Variants in PBX1 observed in about 807,000 individuals in gnomAD.
The protein encoded by PBX1 is pre-B-cell leukemia transcription factor 1.
PBX1 carries 6 observed loss-of-function variants against 53.4 expected under a neutral mutation model. The observed-to-expected ratio is 0.11, with a 90% CI of 0.06 to 0.22. The LOEUF is 0.22. PBX1 is among the 10% of genes least tolerant of loss of function. PBX1 has a pLI of 1.00. For synonymous variants in PBX1, 204 were observed against 212.3 expected (o/e 0.96, Z 0.34); for missense variants, 251 against 551.4 (o/e 0.46, Z 5.46).
chr1:164,680,509 A>G (rs1661697791), intron 2 of PBX1: 1 of 152,298 alleles, frequency 6.6e-6, no homozygotes, highest in Non-Finnish European at 1.5e-5. Flanking sequence ...TATGCAGTGG[A>G]TCTACCACTA....
At chr1:164,757,748 C>T (rs903034769) in intron 2 of PBX1, among the ~76,000 whole-genome samples, 2 of 152,020 alleles carry the variant, frequency 1.3e-5, no homozygotes, top group Non-Finnish European at 2.9e-5. Flanking sequence ...GTTACTATTT[C>T]GTCACCCAGC....
intron 2 of PBX1, among the ~76,000 whole-genome samples, chr1:164,703,704 C>A (rs559263535): frequency 6.6e-6 from 1 of 152,318 alleles, no homozygotes; most frequent in African/African-American, 2.4e-5. Flanking sequence ...GCCATTTCTA[C>A]TGGCTGGACT....
intron 2 of PBX1, among the ~76,000 whole-genome samples, chr1:164,787,908 G>A (rs913709545): frequency 1.4e-4 from 22 of 152,174 alleles, no homozygotes; most frequent in Non-Finnish European, 5.9e-5. Flanking sequence ...ATATCTTCAT[G>A]GGCGCAACCC....
rs566522040 is a variant in PBX1, at chr1:164,850,892, A to G, written c.*4216A>G. Reference sequence around the variant, plus strand: ...TACTTTGTTTTATTTCTCCCTAATTAATAACTACATTCCATGAGGCCTCTT... The same window carrying G: ...TACTTTGTTTTATTTCTCCCTAATTGATAACTACATTCCATGAGGCCTCTT... On this transcript the variant is annotated 3_prime_UTR_variant, in exon 9 of 9. Transcript: ENST00000420696. The G allele has an allele frequency of 9.4e-5, 20 of 212,002 alleles. No homozygotes were observed. The Admixed American group carries it at 1.1e-3, about 11-fold the overall frequency. The allele number at this position is 212,002 out of a possible 1,614,324, so 13.1% of individuals were successfully genotyped here. A position where few individuals can be genotyped will look rare whatever the true frequency, so the allele number is the denominator to read the frequency against.
chr1:164,826,614 A>G (rs1480101970), intron 8 of PBX1, among the ~76,000 whole-genome samples: 1 of 152,142 alleles, frequency 6.6e-6, no homozygotes, highest in South Asian at 2.1e-4. Context: ...CATGTTGGCC[A>G]GGCTGGTCTC....
At chr1:164,756,273 T>C (rs1666518089) in intron 2 of PBX1, among the ~76,000 whole-genome samples, 1 of 152,182 alleles carries the variant, frequency 6.6e-6, no homozygotes, top group Non-Finnish European at 1.5e-5. Context: ...GTAACCCAAG[T>C]CCTTGTCACA....
At chr1:164,615,230 T>C (rs1300006706) in intron 2 of PBX1, among the ~76,000 whole-genome samples, 1 of 152,204 alleles carries the variant, frequency 6.6e-6, no homozygotes, top group Admixed American at 6.5e-5. Context: ...AATGAGTAAG[T>C]TGGACCTCAT....
chr1:164,766,738 A>T (rs75193743), intron 2 of PBX1, among the ~76,000 whole-genome samples: 4,499 of 69,104 alleles, frequency 0.065, 152 homozygotes, highest in African/African-American at 0.1. Context: ...TTATTTATTT[A>T]TTTTTTTTTT....
chr1:164,645,419 G>GA (rs539131063), intron 2 of PBX1, among the ~76,000 whole-genome samples: 329 of 152,212 alleles, frequency 2.2e-3, no homozygotes, highest in African/African-American at 7.5e-3. Flanking sequence ...CCCTGAAGGG[G>GA]AAAAAAGTTC....
At chr1:164,827,004 AG>A (rs1670502770) in intron 8 of PBX1, among the ~76,000 whole-genome samples, 3 of 152,228 alleles carry the variant, frequency 2.0e-5, no homozygotes, top group Admixed American at 2.0e-4. Flanking sequence ...ATGTTAGGTA[AG>A]GGGGAAAAAG....
intron 2 of PBX1, among the ~76,000 whole-genome samples, chr1:164,613,052 C>G (rs144817960): frequency 7.4e-4 from 113 of 152,098 alleles, no homozygotes; most frequent in Non-Finnish European, 1.5e-3. Context: ...TCCTGAACAA[C>G]AACAACAAAA....
At chr1:164,579,125 G>A (rs767623799) in intron 2 of PBX1, among the ~76,000 whole-genome samples, 2 of 152,178 alleles carry the variant, frequency 1.3e-5, no homozygotes, top group Non-Finnish European at 1.5e-5. Context: ...CTGAGAGGAA[G>A]TGTGAAATTT....
intron 2 of PBX1, among the ~76,000 whole-genome samples, chr1:164,757,453 C>T (rs1666588955): frequency 6.6e-6 from 1 of 152,122 alleles, no homozygotes; most frequent in Admixed American, 6.5e-5. Flanking sequence ...GAAGTTTGAC[C>T]AGATAGGGAA....
downstream of PBX1, among the ~76,000 whole-genome samples, chr1:164,855,653 T>G (rs1443859764): frequency 6.6e-6 from 1 of 152,106 alleles, no homozygotes; most frequent in Non-Finnish European, 1.5e-5. Context: ...ATTTGAAAAC[T>G]TGGTGAGGAA....
chr1:164,884,423 C>A (rs942486113), intron 2 of PBX1: 10 of 310,098 alleles, frequency 3.2e-5, no homozygotes, highest in Non-Finnish European at 4.5e-5. Context: ...AGAGGGTGGG[C>A]GAAAGAAATA....
chr1:164,674,903 T>C (rs1323061264), intron 2 of PBX1: 2 of 126,608 alleles, frequency 1.6e-5, no homozygotes, highest in Non-Finnish European at 3.1e-5. Context: ...TGGAATGATG[T>C]TATGATTTTA....
At chr1:164,860,067 G>T (rs2102441255) in intron 2 of PBX1, among the ~76,000 whole-genome samples, 1 of 152,296 alleles carries the variant, frequency 6.6e-6, no homozygotes, top group East Asian at 1.9e-4. Flanking sequence ...AGCTGCTCAA[G>T]AAATGTTATG....
chr1:164,652,782 C>A (rs1659909278), intron 2 of PBX1, among the ~76,000 whole-genome samples: 1 of 152,062 alleles, frequency 6.6e-6, no homozygotes, highest in African/African-American at 2.4e-5. Context: ...AACCAACACC[C>A]CTTTATCACC....
chr1:164,821,025 T>C (rs758703022), intron 7 of PBX1, among the ~76,000 whole-genome samples: 1 of 152,206 alleles, frequency 6.6e-6, no homozygotes, highest in Non-Finnish European at 1.5e-5. Flanking sequence ...TGGTCAGGCT[T>C]TGGTCAAGTG....
Sources: gnomAD v4.1 joint callset for allele counts (sites outside exome capture counted in the v4.1 genomes callset) on GRCh38, gnomAD v4.1.1 for gene constraint, MANE v1.5 for transcripts, NCBI Gene and HGNC (gene_info 2026-07-23, HGNC 2026-07-21) for gene names.